Variants in HS6ST3 observed in about 807,000 individuals in gnomAD.
The protein encoded by HS6ST3 is heparan sulfate 6-O-sulfotransferase 3.
In HS6ST3, 12 loss-of-function variants were observed where a neutral mutation model predicts 36.7. That is an observed-to-expected ratio of 0.33 (90% CI 0.21 to 0.53). The LOEUF is 0.53. HS6ST3 is among the 20% of genes least tolerant of loss of function. HS6ST3 has a pLI of 0.95. For synonymous variants in HS6ST3, 240 were observed against 257.5 expected (o/e 0.93, Z 0.65); for missense variants, 584 against 640.9 (o/e 0.91, Z 0.96).
chr13:96,703,853 A>G (rs895465794), intron 1 of HS6ST3, among the ~76,000 whole-genome samples: 1 of 152,116 alleles, frequency 6.6e-6, no homozygotes, highest in Non-Finnish European at 1.5e-5. Flanking sequence ...AGTTTTCCCC[A>G]TGCTGTTCTC....
intron 1 of HS6ST3, among the ~76,000 whole-genome samples, chr13:96,558,461 C>T (rs1594806607): frequency 6.6e-6 from 1 of 152,180 alleles, no homozygotes; most frequent in East Asian, 1.9e-4. Flanking sequence ...TAACAGTTAT[C>T]ACTGCTGGCT....
chr13:96,364,844 G>A (rs997895352), intron 1 of HS6ST3, among the ~76,000 whole-genome samples: 3 of 152,088 alleles, frequency 2.0e-5, no homozygotes, highest in African/African-American at 4.8e-5. Flanking sequence ...TTAAGTCAAC[G>A]GCTGTTTCTG....
intron 1 of HS6ST3, among the ~76,000 whole-genome samples, chr13:96,620,593 G>T (rs1410343699): frequency 6.6e-6 from 1 of 152,154 alleles, no homozygotes; most frequent in African/African-American, 2.4e-5. Context: ...GGTCATCAGC[G>T]ACATACATCC....
chr13:96,829,821 C>T (rs1878735914), intron 1 of HS6ST3, among the ~76,000 whole-genome samples: 1 of 152,046 alleles, frequency 6.6e-6, no homozygotes, highest in Non-Finnish European at 1.5e-5. Flanking sequence ...GTGCATGTGT[C>T]TATATAATAG....
At chr13:96,540,930 T>G (rs1319246592) in intron 1 of HS6ST3, among the ~76,000 whole-genome samples, 4 of 152,186 alleles carry the variant, frequency 2.6e-5, no homozygotes, top group Admixed American at 2.6e-4. Flanking sequence ...TCTCCATCTA[T>G]GCGCAGATAT....
At chr13:96,752,399 G>A (rs1594852006) in intron 1 of HS6ST3, among the ~76,000 whole-genome samples, 1 of 152,098 alleles carries the variant, frequency 6.6e-6, no homozygotes, top group Non-Finnish European at 1.5e-5. Flanking sequence ...GCTTTGCAAA[G>A]TTTTAACACA....
At chr13:96,547,870 C>T (rs1040840795) in intron 1 of HS6ST3, among the ~76,000 whole-genome samples, 7 of 151,658 alleles carry the variant, frequency 4.6e-5, no homozygotes, top group South Asian at 4.2e-4. Flanking sequence ...TTTTAAGGCC[C>T]GATAATCTTT....
intron 1 of HS6ST3, among the ~76,000 whole-genome samples, chr13:96,670,226 T>C (rs928936812): frequency 1.3e-5 from 2 of 152,156 alleles, no homozygotes; most frequent in African/African-American, 4.8e-5. Context: ...TAGCTGTGTT[T>C]AATGCTGCTT....
intron 1 of HS6ST3, among the ~76,000 whole-genome samples, chr13:96,417,625 C>CATAT: frequency 1.3e-5 from 1 of 75,486 alleles, no homozygotes; most frequent in Middle Eastern, 6.9e-3. Flanking sequence ...TGTGTGTGTA[C>CATAT]ATATATATAC....
intron 1 of HS6ST3, among the ~76,000 whole-genome samples, chr13:96,732,139 A>T (rs796746514): frequency 1.3e-5 from 2 of 152,236 alleles, no homozygotes; most frequent in African/African-American, 4.8e-5. Context: ...TTTGATTTGC[A>T]TTTCCCTGAT....
chr13:96,145,147 A>G (rs2054051125), intron 1 of HS6ST3, among the ~76,000 whole-genome samples: 1 of 137,028 alleles, frequency 7.3e-6, no homozygotes, highest in Admixed American at 7.4e-5. Flanking sequence ...AGCATGATTT[A>G]TAATCCTTTG....
intron 1 of HS6ST3, among the ~76,000 whole-genome samples, chr13:96,735,118 C>T (rs1253864788): frequency 6.6e-6 from 1 of 151,974 alleles, no homozygotes; most frequent in Non-Finnish European, 1.5e-5. Flanking sequence ...CTGAACAATG[C>T]AGTAGACTGC....
intron 1 of HS6ST3, among the ~76,000 whole-genome samples, chr13:96,339,395 C>T (rs2055118863): frequency 6.6e-6 from 1 of 152,064 alleles, no homozygotes; most frequent in South Asian, 2.1e-4. Context: ...GAAAAAATAG[C>T]CTGAGTTATC....
intron 1 of HS6ST3, among the ~76,000 whole-genome samples, chr13:96,235,081 A>C (rs1429478854): frequency 6.6e-6 from 1 of 152,168 alleles, no homozygotes; most frequent in Non-Finnish European, 1.5e-5. Flanking sequence ...ATCCAATGTG[A>C]TACCATGCAT....
intron 1 of HS6ST3, among the ~76,000 whole-genome samples, chr13:96,263,363 C>T (rs1420263892): frequency 6.6e-6 from 1 of 152,166 alleles, no homozygotes; most frequent in African/African-American, 2.4e-5. Flanking sequence ...GAGAACCATT[C>T]ACTTAGAAAG....
chr13:96,488,606 A>C (rs959190234), intron 1 of HS6ST3, among the ~76,000 whole-genome samples: 2 of 152,044 alleles, frequency 1.3e-5, no homozygotes, highest in African/African-American at 4.8e-5. Flanking sequence ...TTTTCGCCCT[A>C]AAGTGGTTGG....
At chr13:96,566,649 G>C (rs1321195689) in intron 1 of HS6ST3, among the ~76,000 whole-genome samples, 2 of 152,124 alleles carry the variant, frequency 1.3e-5, no homozygotes, top group African/African-American at 2.4e-5. Flanking sequence ...AAGAGAAAAA[G>C]TGAACCAAAA....
At chr13:96,786,220 T>C (rs1016834492) in intron 1 of HS6ST3, among the ~76,000 whole-genome samples, 1 of 152,166 alleles carries the variant, frequency 6.6e-6, no homozygotes, top group Admixed American at 6.5e-5. Flanking sequence ...TGGTTCATTG[T>C]CATCCTTCAG....
At chr13:96,688,388 T>C (rs915372813) in intron 1 of HS6ST3, among the ~76,000 whole-genome samples, 1 of 151,862 alleles carries the variant, frequency 6.6e-6, no homozygotes, top group Non-Finnish European at 1.5e-5. Flanking sequence ...GATAGTGGGA[T>C]TTATGTGGCT....
Sources: gnomAD v4.1 joint callset for allele counts (sites outside exome capture counted in the v4.1 genomes callset) on GRCh38, gnomAD v4.1.1 for gene constraint, MANE v1.5 for transcripts, NCBI Gene and HGNC (gene_info 2026-07-23, HGNC 2026-07-21) for gene names.